The following PTPRA variants were observed in gnomAD, a reference collection of about 807,000 sequenced individuals.
PTPRA encodes the protein protein tyrosine phosphatase receptor type A.
Under a neutral mutation model 104.8 loss-of-function variants are expected in PTPRA, and 25 were observed. The observed-to-expected ratio is 0.24, with a 90% CI of 0.17 to 0.33. The LOEUF is 0.33. Ranked by LOEUF, PTPRA falls within the 10% of genes least tolerant of loss-of-function variation. PTPRA has a pLI of 1.00. For missense variants in PTPRA, 765 were observed against 1,015.3 expected (o/e 0.75, Z 3.35); for synonymous variants, 323 against 368.9 (o/e 0.88, Z 1.43).
In PTPRA at chr20:2,881,278, T is replaced by C. The variant is rs145513162; in HGVS notation, c.-129+7518T>C. ...GTGAGCCGAGATCTCGCCACTGCAC[T>C]CAAGCCTGGGTGACAGAGCAAGACT... On this transcript the variant is annotated intron_variant, in intron 1 of 23. Transcript: ENST00000399903. Among the ~76,000 whole-genome samples the C allele has an allele frequency of 1.6e-4, 24 of 151,540 alleles. No individual in the cohort carries two copies. The East Asian group carries it at 4.5e-3, about 28-fold the overall frequency.
chr20:2,910,595 TTTTTG>T (rs2059681558), intron 1 of PTPRA, among the ~76,000 whole-genome samples: 2 of 126,082 alleles, frequency 1.6e-5, no homozygotes, highest in East Asian at 2.2e-4. Flanking sequence ...TTTTGTTTTT[TTTTTG>T]TTTTTTTTAA....
intron 3 of PTPRA, among the ~76,000 whole-genome samples, chr20:2,954,137 G>A (rs1051290480): frequency 1.4e-5 from 2 of 148,020 alleles, no homozygotes; most frequent in Non-Finnish European, 3.0e-5. Context: ...GAGTGCAATG[G>A]CATGATCTTG....
chr20:2,959,874 C>G (rs2061684648), intron 3 of PTPRA, among the ~76,000 whole-genome samples: 2 of 152,120 alleles, frequency 1.3e-5, no homozygotes, highest in African/African-American at 4.8e-5. Context: ...TCTCTTGAAC[C>G]TGGGAGGTGG....
chr20:2,964,799 T>C (rs2061885751), intron 4 of PTPRA, 62 bp from the exon 5 acceptor site: 1 of 1,419,998 alleles, frequency 7.0e-7, no homozygotes, highest in Non-Finnish European at 9.7e-7. Context: ...CTGCTTTGTG[T>C]CTCACAGCTT....
rs865872797 is a variant in PTPRA at position 2,948,796 on chromosome 20, A to C, written c.-7+772A>C. On this transcript the variant is annotated intron_variant, in intron 3 of 23. Transcript: ENST00000399903. ...GAAACCCTGTCTGTACTAAAAATAG[A>C]AAAAAATTAGCTGGGCGTGGTGGCG... Among the ~76,000 whole-genome samples, 625 of 151,662 alleles carry C rather than the reference A, an allele frequency of 4.1e-3. 9 individuals carry two copies. Among genetic ancestry groups the C allele is most frequent in the African/African-American group, 0.013 (552 of 41,330 alleles).
chr20:2,956,327 A>G (rs1444980910), intron 3 of PTPRA, among the ~76,000 whole-genome samples: 4 of 152,128 alleles, frequency 2.6e-5, no homozygotes, highest in Non-Finnish European at 5.9e-5. Flanking sequence ...TTTCACTGTA[A>G]TGTACAGGCC....
At chr20:3,005,318 G>A (rs1450863833) in intron 10 of PTPRA, among the ~76,000 whole-genome samples, 172 bp downstream of exon 10, 1 of 152,196 alleles carries the variant, frequency 6.6e-6, no homozygotes, top group East Asian at 1.9e-4. Flanking sequence ...GAAGGCCAAG[G>A]TGGGAGAATC....
intron 12 of PTPRA, among the ~76,000 whole-genome samples, chr20:3,016,487 C>A (rs1262575369): frequency 6.6e-6 from 1 of 152,206 alleles, no homozygotes; most frequent in East Asian, 1.9e-4. Flanking sequence ...GTGGCTCATG[C>A]CTGTAATCCT....
intron 1 of PTPRA, among the ~76,000 whole-genome samples, chr20:2,890,228 T>C (rs188109603): frequency 2.0e-5 from 3 of 152,248 alleles, no homozygotes; most frequent in East Asian, 3.9e-4. Flanking sequence ...CAATCAATTT[T>C]TTTTTTCCTG....
In PTPRA at chr20:3,038,589, T is replaced by C. The variant is rs2065909725; in HGVS notation, c.*456T>C. ...CCCTCCCCCATCCCCACCACTGATA[T>C]CATGGGGAGTAATAGGACCAGAGCG... On this transcript the variant is annotated 3_prime_UTR_variant, in exon 24 of 24. Transcript: ENST00000399903. 1 of 177,296 alleles carries C rather than the reference T, an allele frequency of 5.6e-6. No homozygotes were observed. Among genetic ancestry groups the C allele is most frequent in the Non-Finnish European group, 1.2e-5 (1 of 83,798 alleles). 11.0% of individuals were successfully genotyped at this position (177,296 alleles called of 1,614,324 possible).
intron 2 of PTPRA, among the ~76,000 whole-genome samples, chr20:2,928,630 T>C (rs2060394549): frequency 6.6e-6 from 1 of 152,092 alleles, no homozygotes; most frequent in South Asian, 2.1e-4. Flanking sequence ...CATAGAGGTG[T>C]ACTTGGTGGG....
chr20:2,929,297 T>C (rs995319819), intron 2 of PTPRA, among the ~76,000 whole-genome samples: 2 of 152,176 alleles, frequency 1.3e-5, no homozygotes, highest in African/African-American at 4.8e-5. Flanking sequence ...TTCTCCCCGC[T>C]TTCTTTTCCT....
intron 3 of PTPRA, among the ~76,000 whole-genome samples, chr20:2,959,481 A>C (rs1236294638): frequency 6.6e-6 from 1 of 152,202 alleles, no homozygotes; most frequent in East Asian, 1.9e-4. Flanking sequence ...AGATTTTTCA[A>C]AATTGGACTG....
At chr20:2,933,382 G>A (rs2060574392) in intron 2 of PTPRA, among the ~76,000 whole-genome samples, 1 of 151,538 alleles carries the variant, frequency 6.6e-6, no homozygotes, top group Non-Finnish European at 1.5e-5. Context: ...TTAACCTTTT[G>A]CCTGTAACAT....
At chr20:2,887,721 A>C (rs912795609) in intron 1 of PTPRA, among the ~76,000 whole-genome samples, 1 of 152,248 alleles carries the variant, frequency 6.6e-6, no homozygotes, top group Non-Finnish European at 1.5e-5. Context: ...AAATGCATTG[A>C]TACTACCATT....
chr20:2,991,736 G>A (rs182327090), intron 9 of PTPRA, among the ~76,000 whole-genome samples: 43 of 152,298 alleles, frequency 2.8e-4, no homozygotes, highest in East Asian at 5.8e-4. Context: ...CCGTGTTCAC[G>A]AGCTCATTGG....
intron 9 of PTPRA, among the ~76,000 whole-genome samples, chr20:2,996,891 G>A (rs6051518): frequency 0.37 from 55,819 of 151,884 alleles, 11,103 homozygotes; most frequent in East Asian, 0.68. Context: ...GGATGATTCT[G>A]GCAGTACCAA....
At chr20:3,031,838 A>G (rs1674491629) in intron 20 of PTPRA, among the ~76,000 whole-genome samples, 2 of 151,948 alleles carry the variant, frequency 1.3e-5, no homozygotes, top group Non-Finnish European at 2.9e-5. Flanking sequence ...GTGGTATGTC[A>G]TTATTACCTT....
chr20:3,029,213 T>C (rs2065299529), intron 20 of PTPRA, among the ~76,000 whole-genome samples: 1 of 151,536 alleles, frequency 6.6e-6, no homozygotes, highest in African/African-American at 2.4e-5. Flanking sequence ...CGATCTTGGC[T>C]CACTGCAGCC....
Sources: gnomAD v4.1 joint callset for allele counts (sites outside exome capture counted in the v4.1 genomes callset) on GRCh38, gnomAD v4.1.1 for gene constraint, MANE v1.5 for transcripts, NCBI Gene and HGNC (gene_info 2026-07-23, HGNC 2026-07-21) for gene names.